The following INF2 variants were observed in gnomAD, a reference collection of about 807,000 sequenced individuals.
INF2 encodes the protein inverted formin 2.
In INF2, 43 loss-of-function variants were observed where a neutral mutation model predicts 123.5. The ratio of observed to expected loss-of-function variants is 0.35; its 90% CI spans 0.27 to 0.45. INF2 has a LOEUF of 0.45. Ranked by LOEUF, INF2 falls within the 20% of genes least tolerant of loss-of-function variation. The pLI, the probability that INF2 is intolerant of heterozygous loss-of-function variation, is 1.00. For synonymous variants in INF2, 851 were observed against 745.0 expected (o/e 1.14, Z -2.32); for missense variants, 1,453 against 1,682.7 (o/e 0.86, Z 2.39).
chr14:104,699,241 C>T lies in INF2; in HGVS notation c.-9-2116C>T, dbSNP rs1025419535. On this transcript the variant is annotated intron_variant, in intron 1 of 22. Transcript: ENST00000392634. This position sits in a 1 kb window ranked among gnomAD's most constrained non-coding sequence, Gnocchi z 4.7. ...GAGAGGACACTCTGGATGCCAGGGG[C>T]CGGGCCTGGGAGAGTTCATAACTCC... The T allele has an allele frequency of 3.0e-5, 8 of 263,248 alleles. No homozygotes were observed. The highest frequency in any genetic ancestry group is 4.6e-5 in the African/African-American group (2 of 43,348). 16.3% of individuals were successfully genotyped at this position (263,248 alleles called of 1,614,324 possible).
At chr14:104,713,720 C>T in intron 20 of INF2, 114 bp downstream of exon 20, 2 of 1,177,780 alleles carry the variant, frequency 1.7e-6, no homozygotes, top group Non-Finnish European at 2.4e-6. Context: ...CTGGGCCACC[C>T]TGGAGGCCCC....
upstream of INF2, chr14:104,689,253 G>C (rs1888801431): frequency 1.0e-6 from 1 of 985,240 alleles, no homozygotes; most frequent in Admixed American, 6.1e-5. Context: ...GAGGTGAGCG[G>C]CGCCTGGGAG....
chr14:104,702,730 A>G (rs1189742557), intron 2 of INF2, among the ~76,000 whole-genome samples: 1 of 152,234 alleles, frequency 6.6e-6, no homozygotes, highest in East Asian at 1.9e-4. Context: ...GGGTCAGATG[A>G]GAGACACCCC....
rs1889668498 is a variant in INF2, at chr14:104,704,176, A to G, written c.701+227A>G. 9 of 1,438,534 alleles carry G rather than the reference A, an allele frequency of 6.3e-6. No homozygotes were observed. The South Asian group carries it at 1.2e-4, about 19-fold the overall frequency. The allele number at this position is 1,438,534 out of a possible 1,614,324, so 89.1% of individuals were successfully genotyped here. On this transcript the variant is annotated intron_variant, in intron 5 of 22. Transcript: ENST00000392634. ...CAGAAACTAGGGTTGCAGCAGCCAT[A>G]GAAAGGACAGAATGAGCTCATATCC...
intron 1 of INF2, among the ~76,000 whole-genome samples, chr14:104,697,544 A>T (rs1889246025): frequency 6.6e-6 from 1 of 152,094 alleles, no homozygotes; most frequent in South Asian, 2.1e-4. Context: ...CACACCACAC[A>T]CTCAGCTTGA....
Position 104,713,238 on chromosome 14 carries a change from A to G in INF2, c.2807A>G (p.Lys936Arg). ...ENKDRKEQAA[K>R]AERRKQQLAE... ...AAGGACCGGAAGGAGCAGGCGGCGA[A>G]GGCAGAGAGGAGGAAGCAGCAGCTG... The change falls in exon 19 of 23, where the codon AAG becomes AGG. Residue 936 changes from lysine (K) to arginine (R), a missense_variant. Physicochemically the swap from Lys to Arg is conservative, Grantham distance 26. Coordinates refer to ENST00000392634, the MANE Select transcript of INF2 (RefSeq NM_022489.4). 3 of 1,553,096 alleles carry G rather than the reference A, an allele frequency of 1.9e-6. No individual in the cohort carries two copies. The highest frequency in any genetic ancestry group is 2.6e-6 in the Non-Finnish European group (3 of 1,149,020).
rs753323267 is a variant in INF2, at chr14:104,707,934, G to A, written c.1667G>A (p.Arg556Gln). Residue 556 changes from arginine to glutamine, a missense_variant, in exon 8 of 23, where the codon CGG becomes CAG. By Grantham distance (43) the Arg-to-Gln change is conservative. Around this residue, in one of 8 missense-constraint regions of INF2, gnomAD observed 192 missense variants for 274.4 expected, o/e 0.70. Transcript: ENST00000392634. Reference protein sequence around the residue: ...LGSAWVPSHRRVNPPTLRMKK... With the variant: ...LGSAWVPSHRQVNPPTLRMKK... ...TCAGCATGGGTCCCCAGCCATCGGC[G>A]GGTGAACCCACCCACACTGCGCATG... 11 of 1,599,812 alleles carry A rather than the reference G, an allele frequency of 6.9e-6. No homozygotes were observed. Among genetic ancestry groups the A allele is most frequent in the East Asian group, 2.2e-5 (1 of 44,808 alleles).
rs143297065 is a variant in INF2 at position 104,694,543 on chromosome 14, C to G, written c.-10+4804C>G. Among the ~76,000 whole-genome samples the G allele has an allele frequency of 1.1e-4, 17 of 152,316 alleles. No individual in the cohort carries two copies. In the East Asian group the frequency reaches 3.1e-3, roughly 28 times the overall value. On this transcript the variant is annotated intron_variant, in intron 1 of 22. Coordinates refer to ENST00000392634, the MANE Select transcript of INF2 (RefSeq NM_022489.4). ...TATGCACTGGCATTACAGGTGGCAT[C>G]TCGTCAATCTGTCAGTAAGCTGTGG...
upstream of INF2, among the ~76,000 whole-genome samples, chr14:104,688,322 C>G (rs540060112): frequency 1.1e-4 from 17 of 152,210 alleles, no homozygotes; most frequent in Non-Finnish European, 2.1e-4. Flanking sequence ...AGCAGACAGA[C>G]GCAGCCTGCA....
At chr14:104,689,921 C>G (rs942907677) in intron 1 of INF2, among the ~76,000 whole-genome samples, 182 bp downstream of exon 1, 5 of 151,862 alleles carry the variant, frequency 3.3e-5, no homozygotes, top group African/African-American at 9.7e-5. Context: ...CGCCCCTGGC[C>G]CCCCCGGCTC....
rs754450329 is a variant in INF2, at chr14:104,711,193, C to T, written c.2418+7C>T. The T allele has an allele frequency of 2.1e-5, 33 of 1,552,030 alleles. No individual in the cohort carries two copies. In the Middle Eastern group the frequency reaches 5.0e-4, roughly 24 times the overall value. The stretch of plus-strand genomic sequence containing the variant: ...GCTGCACCACGTGCTGGAGGTGGGC[C>T]GTGGTGGCGGGGGCATAATGGGAGG... On this transcript the variant is annotated splice_region_variant and intron_variant, in intron 15 of 22. Transcript: ENST00000392634.
At position 104,711,694 on chromosome 14, in the gene INF2, A is replaced by T. The variant is rs1386368309; in HGVS notation, c.2484A>T (p.Ala828=). 6.2e-7 allele frequency: 1 copy of T among 1,612,206 alleles called. No homozygotes were observed. The highest frequency in any genetic ancestry group is 1.3e-5 in the African/African-American group (1 of 74,918). ...GGGACCTGGAACAGCCCTCGCAAGC[A>T]GCAGGGTAGGTAGCTCCTGCCAGCC... The part of the protein sequence containing the change: ...LPRDLEQPSQ[A]AGINLEIIRS... Residue 828 remains alanine (A), a synonymous_variant, in exon 16 of 23, where the codon GCA becomes GCT. Coordinates refer to ENST00000392634, the MANE Select transcript of INF2 (RefSeq NM_022489.4).
chr14:104,707,897 C>T lies in INF2; in HGVS notation c.1630C>T (p.His544Tyr). Residue 544 changes from histidine to tyrosine, a missense_variant, in exon 8 of 23, where the codon CAT becomes TAT. Transcript: ENST00000392634. ...GGAGGTCATCGTGGCCCAGGTGGAC[C>T]ATGGCTTGGGCTCAGCATGGGTCCC... ...MEEVIVAQVD[H>Y]GLGSAWVPSH... 6.2e-7 allele frequency: 1 copy of T among 1,605,006 alleles called. No homozygotes were observed. Among genetic ancestry groups the T allele is most frequent in the Non-Finnish European group, 8.5e-7 (1 of 1,179,664 alleles).
chr14:104,687,567 C>T (rs1050783026), upstream of INF2, among the ~76,000 whole-genome samples: 3 of 152,162 alleles, frequency 2.0e-5, no homozygotes, highest in Non-Finnish European at 2.9e-5. The surrounding 1 kb of genome is among the most constrained non-coding windows in gnomAD (Gnocchi z 5.6). Context: ...CTTCTCCAAC[C>T]TCTCTCCAAC....
At chr14:104,686,122 TGATGGGTAGGTG>T (rs528508526), upstream of INF2, among the ~76,000 whole-genome samples, 176 of 139,078 alleles carry the variant, frequency 1.3e-3, 3 homozygotes, top group South Asian at 0.023. Context: ...GATGAGTGGA[TGATGGGTAGGTG>T]GATGGGTAGA....
Position 104,710,952 on chromosome 14 carries a change from G to A in INF2, c.2255G>A (p.Arg752His), listed in dbSNP as rs1450593874. ...LAACESLLTSRQLPIFCQLIL... is the reference protein window; with the variant it reads ...LAACESLLTSHQLPIFCQLIL... ...GCCCCTGCAGGCCTGCTCACCAGCC[G>A]CCAGCTGCCCATCTTCTGCCAGCTG... The change falls in exon 14 of 23, where the codon CGC becomes CAC. Residue 752 changes from arginine to histidine, a missense_variant. Arg to His is a conservative substitution (Grantham distance 29, BLOSUM62 0). Coordinates refer to ENST00000392634, the MANE Select transcript of INF2 (RefSeq NM_022489.4). The A allele has an allele frequency of 7.4e-6, 12 of 1,612,248 alleles. No homozygotes were observed. In the East Asian group the frequency reaches 1.3e-4, roughly 18 times the overall value.
At chr14:104,715,737 A>C (rs1406022194) in intron 22 of INF2, 29 of 513,412 alleles carry the variant, frequency 5.6e-5, no homozygotes, top group South Asian at 4.3e-4. Context: ...CTGCAGTTCC[A>C]GTAACCCTGT....
intron 1 of INF2, 83 bp from the exon 2 acceptor site, chr14:104,701,274 G>A (rs1889473879): frequency 2.1e-6 from 3 of 1,443,176 alleles, no homozygotes; most frequent in South Asian, 2.6e-5. Context: ...TGAGACCGAG[G>A]GAAGTGGCCC....
At position 104,691,818 on chromosome 14, in the gene INF2, C is replaced by T. The variant is rs147189361; in HGVS notation, c.-10+2079C>T. On this transcript the variant is annotated intron_variant, in intron 1 of 22. Coordinates refer to ENST00000392634, the MANE Select transcript of INF2 (RefSeq NM_022489.4). ...GGCTTCCACTCCTGCCAGCCTCACC[C>T]TAGGAGGGAGAGTCCTGCCTGGTCT... Among the ~76,000 whole-genome samples, 1,239 of 152,170 alleles carry T rather than the reference C, an allele frequency of 8.1e-3. 21 individuals are homozygous for T. The highest frequency in any genetic ancestry group is 0.028 in the African/African-American group (1,177 of 41,530).
Sources: gnomAD v4.1 joint callset for allele counts (sites outside exome capture counted in the v4.1 genomes callset) on GRCh38, gnomAD v4.1.1 for gene constraint, gnomAD v4.1.1 regional missense constraint, Gnocchi (gnomAD v3.1) non-coding constraint, MANE v1.5 for transcripts, NCBI Gene and HGNC (gene_info 2026-07-23, HGNC 2026-07-21) for gene names.